UST: variants seen among roughly 807,000 people sequenced by gnomAD.
The protein encoded by UST is chondroitin sulfate 2-O-sulfotransferase.
In UST, 21 loss-of-function variants were observed where a neutral mutation model predicts 45.6. The ratio of observed to expected loss-of-function variants is 0.46; its 90% CI spans 0.33 to 0.66. The LOEUF (loss-of-function observed/expected upper bound fraction) is 0.66. Ranked by LOEUF, UST falls within the 30% of genes least tolerant of loss-of-function variation. UST has a pLI of 0.02. For synonymous variants in UST, 215 were observed against 200.6 expected, an observed-to-expected ratio of 1.07 and a Z score of -0.61; for missense variants, 463 against 512.4, an observed-to-expected ratio of 0.90 and a Z score of 0.93.
At chr6:148,964,752 A>G in intron 5 of UST, 189 bp downstream of exon 5, 1 of 657,844 alleles carries the variant, frequency 1.5e-6, no homozygotes, top group South Asian at 2.1e-5. Flanking sequence ...CCAGATCCTA[A>G]TGAACATTTC....
chr6:148,895,037 C>T lies in UST; in HGVS notation c.291+8008C>T, dbSNP rs543357149. On this transcript the variant is annotated intron_variant, in intron 2 of 7. Transcript: ENST00000367463. ...TTCACCATGTTGGCCAGGATGGTCT[C>T]GATCTCTTGACCTTGTGATCCACCC... Among the ~76,000 whole-genome samples, 23 of 152,054 alleles carry T rather than the reference C, an allele frequency of 1.5e-4. No homozygotes were observed. The South Asian group carries it at 2.3e-3, about 15-fold the overall frequency.
chr6:148,963,726 T>C (rs1203814162), intron 4 of UST, among the ~76,000 whole-genome samples: 1 of 152,220 alleles, frequency 6.6e-6, no homozygotes, highest in Non-Finnish European at 1.5e-5. Context: ...ACCCATATCC[T>C]AGTTCAGCTA....
chr6:148,787,324 T>C (rs1776751714), intron 1 of UST, among the ~76,000 whole-genome samples: 2 of 152,212 alleles, frequency 1.3e-5, no homozygotes, highest in Non-Finnish European at 2.9e-5. Context: ...AGTTTTGGGT[T>C]TTACATTTAA....
chr6:148,997,381 C>A (rs2114999366), intron 5 of UST, among the ~76,000 whole-genome samples: 2 of 152,128 alleles, frequency 1.3e-5, no homozygotes, highest in East Asian at 3.9e-4. Context: ...TTATAAAGGT[C>A]TGAGGATTCA....
intron 1 of UST, among the ~76,000 whole-genome samples, chr6:148,749,857 G>T (rs1775954134): frequency 6.6e-6 from 1 of 152,130 alleles, no homozygotes; most frequent in Non-Finnish European, 1.5e-5. Flanking sequence ...GATGTGATAG[G>T]TTCAAAATGA....
At chr6:149,028,639 C>G (rs571336675) in intron 7 of UST, among the ~76,000 whole-genome samples, 70 of 152,314 alleles carry the variant, frequency 4.6e-4, no homozygotes, top group African/African-American at 1.6e-3. Context: ...AGTCAATAGC[C>G]TGTTCCAGAA....
At chr6:148,794,888 C>T (rs1174609905) in intron 1 of UST, among the ~76,000 whole-genome samples, 1 of 152,208 alleles carries the variant, frequency 6.6e-6, no homozygotes, top group Non-Finnish European at 1.5e-5. Flanking sequence ...TTAAACACTC[C>T]TTTTCGTCTC....
At chr6:148,839,083 G>A (rs1219738265) in intron 1 of UST, among the ~76,000 whole-genome samples, 1 of 152,162 alleles carries the variant, frequency 6.6e-6, no homozygotes, top group Non-Finnish European at 1.5e-5. Context: ...TAATCACCTG[G>A]AATCTGGCAA....
chr6:148,762,913 A>G (rs1776248032), intron 1 of UST, among the ~76,000 whole-genome samples: 1 of 152,210 alleles, frequency 6.6e-6, no homozygotes, highest in African/African-American at 2.4e-5. Flanking sequence ...GTTGATGGAC[A>G]GTTAGTTTCA....
intron 1 of UST, among the ~76,000 whole-genome samples, chr6:148,848,836 G>A (rs537725198): frequency 9.2e-5 from 14 of 152,162 alleles, no homozygotes; most frequent in East Asian, 1.9e-4. Flanking sequence ...GGCTCTCTTC[G>A]AGCCGGATAA....
chr6:148,914,856 G>T (rs939946678), intron 2 of UST, among the ~76,000 whole-genome samples: 1 of 152,116 alleles, frequency 6.6e-6, no homozygotes, highest in African/African-American at 2.4e-5. Flanking sequence ...TAATATAAAA[G>T]ATTATGTCTT....
At chr6:148,970,768 T>C (rs1313774576) in intron 5 of UST, among the ~76,000 whole-genome samples, 1 of 152,190 alleles carries the variant, frequency 6.6e-6, no homozygotes, top group Non-Finnish European at 1.5e-5. Flanking sequence ...TCAGCCATCT[T>C]CAAAGACACC....
chr6:148,934,484 A>T lies in UST; in HGVS notation c.292-6795A>T, dbSNP rs1779982007. Among the ~76,000 whole-genome samples the T allele has an allele frequency of 6.6e-6, 1 of 152,164 alleles. No homozygotes were observed. The highest frequency in any genetic ancestry group is 2.4e-5 in the African/African-American group (1 of 41,436). Reference sequence around the variant, plus strand: ...ACCTACACATTCAGTTAACCAGCACACCTGTTCTCTAACTAGCCTGGGAGA... The same window carrying T: ...ACCTACACATTCAGTTAACCAGCACTCCTGTTCTCTAACTAGCCTGGGAGA... On this transcript the variant is annotated intron_variant, in intron 2 of 7. Transcript: ENST00000367463. The surrounding 1 kb of genome is among the most constrained non-coding windows in gnomAD (Gnocchi z 4.1).
rs1195094926 is a variant in UST, at chr6:148,790,791, G to A, written c.247+43114G>A. 2.0e-5 allele frequency among the ~76,000 whole-genome samples: 3 copies of A among 152,176 alleles called. No individual in the cohort carries two copies. Among genetic ancestry groups the A allele is most frequent in the African/African-American group, 7.2e-5 (3 of 41,428 alleles). ...GGTCTGATCCCCTTGCGTCAATCTG[G>A]GACAACTCTGATGGGCCATCCCAGT... On this transcript the variant is annotated intron_variant, in intron 1 of 7. Transcript: ENST00000367463. This position sits in a 1 kb window ranked among gnomAD's most constrained non-coding sequence, Gnocchi z 4.2.
chr6:148,932,500 C>G (rs1040796792), intron 2 of UST, among the ~76,000 whole-genome samples: 1 of 152,144 alleles, frequency 6.6e-6, no homozygotes, highest in Non-Finnish European at 1.5e-5. Flanking sequence ...AAAAGTGAAT[C>G]TCTTTGTTCC....
chr6:148,994,873 C>G (rs746961631), intron 5 of UST, among the ~76,000 whole-genome samples: 67 of 152,314 alleles, frequency 4.4e-4, no homozygotes, highest in Non-Finnish European at 8.2e-4. Context: ...GTTGCTGAAC[C>G]CTTCATAGCC....
At chr6:149,027,223 C>G (rs2340801) in intron 7 of UST, among the ~76,000 whole-genome samples, 106,139 of 152,146 alleles carry the variant, frequency 0.7, 37,822 homozygotes, top group African/African-American at 0.84. Context: ...CTTTTAAATA[C>G]TATGCTACAG....
intron 1 of UST, among the ~76,000 whole-genome samples, chr6:148,765,636 G>A (rs931336731): frequency 6.6e-6 from 1 of 152,192 alleles, no homozygotes; most frequent in Non-Finnish European, 1.5e-5. Flanking sequence ...AGTAAAGACA[G>A]GCATAGGAAA....
chr6:149,024,004 A>T (rs532275592), intron 7 of UST, among the ~76,000 whole-genome samples: 2 of 152,200 alleles, frequency 1.3e-5, no homozygotes, highest in Admixed American at 1.3e-4. Context: ...TTTCCCTCAG[A>T]GTTTGGCATA....
Sources: allele counts gnomAD v4.1 joint callset (sites outside exome capture counted in the v4.1 genomes callset), GRCh38; gene constraint gnomAD v4.1.1; non-coding constraint Gnocchi (gnomAD v3.1); transcripts MANE v1.5; gene names NCBI Gene and HGNC (gene_info 2026-07-23, HGNC 2026-07-21).